The following RAB11FIP4 variants were observed in gnomAD, a reference collection of about 807,000 sequenced individuals.
The protein encoded by RAB11FIP4 is RAB11 family interacting protein 4.
RAB11FIP4 carries 23 observed loss-of-function variants against 74.3 expected under a neutral mutation model. The observed-to-expected ratio is 0.31, with a 90% confidence interval of 0.22 to 0.44. The LOEUF (loss-of-function observed/expected upper bound fraction) is 0.44. Ranked by LOEUF, RAB11FIP4 falls within the 20% of genes least tolerant of loss-of-function variation. The pLI, the probability that RAB11FIP4 is intolerant of heterozygous loss-of-function variation, is 1.00. For synonymous variants in RAB11FIP4, 360 were observed against 359.9 expected (o/e 1.00, Z 0.00); for missense variants, 630 against 863.9 (o/e 0.73, Z 3.39).
intron 3 of RAB11FIP4, chr17:31,488,008 G>C: frequency 6.0e-6 from 6 of 1,001,826 alleles, no homozygotes; most frequent in Non-Finnish European, 7.1e-6. Context: ...CCCGAGTCCC[G>C]GGGCCCAGGC....
chr17:31,491,736 A>T (rs1483428441), intron 3 of RAB11FIP4, among the ~76,000 whole-genome samples: 2 of 152,120 alleles, frequency 1.3e-5, no homozygotes. Context: ...AGGAGAGGGG[A>T]CTGACAGTAC....
At chr17:31,422,753 T>C (rs1402488746) in intron 1 of RAB11FIP4, among the ~76,000 whole-genome samples, 2 of 152,204 alleles carry the variant, frequency 1.3e-5, no homozygotes, top group African/African-American at 4.8e-5. Flanking sequence ...TGGTTCCTTT[T>C]TTCTAGCATC....
At chr17:31,529,996 T>G (rs948775180) in intron 13 of RAB11FIP4, among the ~76,000 whole-genome samples, 1 of 152,132 alleles carries the variant, frequency 6.6e-6, no homozygotes, top group Non-Finnish European at 1.5e-5. Flanking sequence ...CATCACTTCC[T>G]TCACTGGGCT....
chr17:31,454,878 C>T (rs923029674), intron 3 of RAB11FIP4, among the ~76,000 whole-genome samples: 3 of 151,922 alleles, frequency 2.0e-5, no homozygotes, highest in Admixed American at 2.0e-4. Flanking sequence ...AACAAGACTC[C>T]TTCTCAAAAA....
At chr17:31,463,379 G>A (rs1273979001) in intron 3 of RAB11FIP4, among the ~76,000 whole-genome samples, 10 of 152,154 alleles carry the variant, frequency 6.6e-5, no homozygotes, top group Non-Finnish European at 1.2e-4. Flanking sequence ...GATGAGTCCC[G>A]CAGTGCCCTG....
intron 1 of RAB11FIP4, among the ~76,000 whole-genome samples, chr17:31,403,470 G>A (rs2071014377): frequency 6.6e-6 from 1 of 151,838 alleles, no homozygotes; most frequent in South Asian, 2.1e-4. Flanking sequence ...CTACAGGAGT[G>A]CACCACCACA....
At chr17:31,476,352 T>A (rs936010980) in intron 3 of RAB11FIP4, among the ~76,000 whole-genome samples, 12 of 151,940 alleles carry the variant, frequency 7.9e-5, no homozygotes, top group Non-Finnish European at 1.6e-4. Flanking sequence ...GCCCAGCTAA[T>A]GTTTGTATTT....
chr17:31,451,248 C>T (rs1230712991), intron 3 of RAB11FIP4, among the ~76,000 whole-genome samples: 1 of 152,048 alleles, frequency 6.6e-6, no homozygotes, highest in African/African-American at 2.4e-5. Flanking sequence ...CACCTGAGGT[C>T]AGGAGTTCGA....
intron 3 of RAB11FIP4, among the ~76,000 whole-genome samples, chr17:31,437,293 G>A (rs1490903276): frequency 6.6e-6 from 1 of 152,292 alleles, no homozygotes; most frequent in Non-Finnish European, 1.5e-5. Flanking sequence ...CGGGGCAGAC[G>A]GCTTCTGGAT....
At chr17:31,518,978 G>A (rs1354555864) in intron 4 of RAB11FIP4, among the ~76,000 whole-genome samples, 11 of 149,296 alleles carry the variant, frequency 7.4e-5, no homozygotes, top group Non-Finnish European at 5.9e-5. Context: ...GACTACAGGC[G>A]CGTGCCACCA....
chr17:31,458,574 G>A (rs2071602831), intron 3 of RAB11FIP4, among the ~76,000 whole-genome samples: 1 of 152,296 alleles, frequency 6.6e-6, no homozygotes, highest in Admixed American at 6.5e-5. Flanking sequence ...CTCAGAATGG[G>A]CCTTCTCTGC....
At chr17:31,531,527 C>A in intron 14 of RAB11FIP4, 89 bp from the exon 15 acceptor site, 1 of 836,666 alleles carries the variant, frequency 1.2e-6, no homozygotes, top group Non-Finnish European at 2.0e-6. Context: ...TATTGTCAGG[C>A]ACTGGCCTGC....
At chr17:31,397,535 G>A (rs1301422720) in intron 1 of RAB11FIP4, among the ~76,000 whole-genome samples, 1 of 152,212 alleles carries the variant, frequency 6.6e-6, no homozygotes, top group Non-Finnish European at 1.5e-5. Flanking sequence ...ACATCAGAAG[G>A]AAGGCCCAGG....
intron 1 of RAB11FIP4, among the ~76,000 whole-genome samples, chr17:31,429,127 T>A (rs1286288429): frequency 6.6e-6 from 1 of 152,072 alleles, no homozygotes; most frequent in Non-Finnish European, 1.5e-5. Context: ...AAAACAAATA[T>A]TATGAAGCCT....
intron 3 of RAB11FIP4, among the ~76,000 whole-genome samples, chr17:31,445,562 ATATATATATATATATATTTTTTT>A (rs1306536291): frequency 0.094 from 1,630 of 17,404 alleles, 127 homozygotes; most frequent in East Asian, 0.38. Flanking sequence ...ATATATATAT[ATATATATATATATATATTTTTTT>A]TTTTTTTTTT....
intron 3 of RAB11FIP4, among the ~76,000 whole-genome samples, chr17:31,497,113 C>T (rs2072130861): frequency 1.3e-5 from 2 of 152,186 alleles, no homozygotes; most frequent in African/African-American, 2.4e-5. Flanking sequence ...CCTGTAATCC[C>T]AGCACTTTGG....
intron 13 of RAB11FIP4, 27 bp downstream of exon 13, chr17:31,528,805 T>C: frequency 3.1e-6 from 5 of 1,588,930 alleles, no homozygotes; most frequent in Non-Finnish European, 4.3e-6. Flanking sequence ...CTGTGTCCAG[T>C]GGGGCAGGGT....
chr17:31,402,388 A>G (rs2070995548), intron 1 of RAB11FIP4, among the ~76,000 whole-genome samples: 2 of 152,190 alleles, frequency 1.3e-5, no homozygotes, highest in Non-Finnish European at 2.9e-5. Context: ...AACAGGGACC[A>G]GATGGTGACT....
intron 3 of RAB11FIP4, among the ~76,000 whole-genome samples, chr17:31,437,659 G>A (rs1296934733): frequency 6.6e-6 from 1 of 152,180 alleles, no homozygotes. Context: ...CCTCCCCTCA[G>A]GGTGTGGACG....
Sources: allele counts gnomAD v4.1 joint callset (sites outside exome capture counted in the v4.1 genomes callset), GRCh38; gene constraint gnomAD v4.1.1; transcripts MANE v1.5; gene names NCBI Gene and HGNC (gene_info 2026-07-23, HGNC 2026-07-21).